Variants in GNAT1 observed in about 807,000 individuals in gnomAD.
The protein encoded by GNAT1 is guanine nucleotide-binding protein G(t) subunit alpha-1.
GNAT1 carries 36 observed loss-of-function variants against 40.0 expected under a neutral mutation model. That is an observed-to-expected ratio of 0.90 (90% CI 0.69 to 1.19). The LOEUF is 1.19. GNAT1 is among the 50% of genes most tolerant of loss of function. The probability of loss-of-function intolerance (pLI) is 0.00; values close to 1 mark genes in which losing one functional copy is unlikely to be tolerated. For missense variants in GNAT1, 413 were observed against 480.6 expected, an observed-to-expected ratio of 0.86 and a Z score of 1.32; for synonymous variants, 195 against 192.9, an observed-to-expected ratio of 1.01 and a Z score of -0.09.
Position 50,193,412 on chromosome 3 carries a change from C to T in GNAT1, c.291+6C>T, listed in dbSNP as rs773731629. 6.2e-7 allele frequency: 1 copy of T among 1,613,878 alleles called. No individual in the cohort carries two copies. Among genetic ancestry groups the T allele is most frequent in the Admixed American group, 1.7e-5 (1 of 60,026 alleles). ...ACGGAGACTCTGCACGCCAGGTGTG[C>T]CAGGAGGCGGGCTGAGCGGGCCTCT... On this transcript the variant is annotated splice_donor_region_variant and intron_variant, in intron 3 of 8. Coordinates refer to ENST00000232461, the MANE Select transcript of GNAT1 (RefSeq NM_144499.3). This position sits in a 1 kb window ranked among gnomAD's most constrained non-coding sequence, Gnocchi z 8.1.
chr3:50,193,629 G>T lies in GNAT1; in HGVS notation c.415G>T (p.Ala139Ser), dbSNP rs758039880. 6.2e-6 allele frequency: 10 copies of T among 1,612,204 alleles called. No individual in the cohort carries two copies. ...DSGIQACFER[A>S]SEYQLNDSAG... is the part of the protein sequence containing the mutation. ...CGGTATCCAGGCCTGTTTTGAGCGC[G>T]CCTCGGAGTACCAGCTCAACGACTC... is the stretch of plus-strand genomic sequence containing the variant. Residue 139 changes from alanine (A) to serine (S), a missense_variant, in exon 4 of 9, where the codon GCC (alanine) becomes TCC (serine). Ala to Ser is a moderately conservative substitution (Grantham distance 99). Coordinates refer to ENST00000232461, the MANE Select transcript of GNAT1 (RefSeq NM_144499.3). The surrounding 1 kb of genome is among the most constrained non-coding windows in gnomAD (Gnocchi z 8.1).
rs759489972 is a variant in GNAT1, at chr3:50,194,779, G to T, written c.877G>T (p.Glu293Ter). Residue 293 changes from glutamate to a stop codon, truncating the protein, a stop_gained, in exon 8 of 9, where the codon GAG (glutamate) becomes TAG (stop). Transcript: ENST00000232461. LOFTEE classifies it high-confidence loss of function. The surrounding 1 kb of genome is among the most constrained non-coding windows in gnomAD (Gnocchi z 6.1). ...CGCCCCCGCAGGACCCAACACCTAC[G>T]AGGACGCCGGCAACTACATCAAGGT... ...FPDYDGPNTYEDAGNYIKVQF... is the reference protein window; with the variant it reads ...FPDYDGPNTY 2 of 1,613,722 alleles carry T rather than the reference G, an allele frequency of 1.2e-6. No individual in the cohort carries two copies. The highest frequency in any genetic ancestry group is 1.7e-6 in the Non-Finnish European group (2 of 1,179,978).
chr3:50,195,789 C>T lies in GNAT1; in HGVS notation c.*523C>T, dbSNP rs2109140788. The T allele has an allele frequency of 6.5e-6, 1 of 153,176 alleles. No individual in the cohort carries two copies. The highest frequency in any genetic ancestry group is 1.9e-4 in the East Asian group (1 of 5,194). 9.5% of individuals were successfully genotyped at this position (153,176 alleles called of 1,614,324 possible). A position where few individuals can be genotyped will look rare whatever the true frequency, so the allele number is the denominator to read the frequency against. On this transcript the variant is annotated 3_prime_UTR_variant, in exon 9 of 9. Transcript: ENST00000232461. ...CTACCCAGAGCCAGTGACTGTCCCT[C>T]CCAGCAGCCTCCAAAGGGTCCAAAG...
Position 50,191,630 on chromosome 3 carries a change from G to T in GNAT1, c.-96G>T. The T allele has an allele frequency of 2.3e-6, 2 of 881,906 alleles. No homozygotes were observed. Among genetic ancestry groups the T allele is most frequent in the South Asian group, 2.7e-5 (2 of 74,408 alleles). The allele number at this position is 881,906 out of a possible 1,614,324, so 54.6% of individuals were successfully genotyped here. On this transcript the variant is annotated 5_prime_UTR_variant, in exon 1 of 9. Transcript: ENST00000232461. ...GAGCCAGTTGATTGCAGGTCCTCCTGGGGCCAGAAGGGTGCCTGGGAGGCC... is the reference window on the plus strand; with the variant it reads ...GAGCCAGTTGATTGCAGGTCCTCCTTGGGCCAGAAGGGTGCCTGGGAGGCC...
Position 50,194,898 on chromosome 3 carries a change from C to T in GNAT1, c.996C>T (p.Phe332=). 1 of 1,613,890 alleles carries T rather than the reference C, an allele frequency of 6.2e-7. No individual in the cohort carries two copies. The highest frequency in any genetic ancestry group is 8.5e-7 in the Non-Finnish European group (1 of 1,179,926). The part of the protein sequence containing the change: ...ATDTQNVKFV[F]DAVTDIIIKE... ...ACACGCAGAACGTCAAATTTGTCTT[C>T]GACGCTGTCACCGACATCATCATCA... Residue 332 remains phenylalanine (F), a synonymous_variant, in exon 8 of 9, where the codon TTC becomes TTT. Coordinates refer to ENST00000232461, the MANE Select transcript of GNAT1 (RefSeq NM_144499.3). This position sits in a 1 kb window ranked among gnomAD's most constrained non-coding sequence, Gnocchi z 6.1.
At position 50,193,512 on chromosome 3, in the gene GNAT1, G is replaced by T; in HGVS notation, c.298G>T (p.Ala100Ser). 3.1e-6 allele frequency: 5 copies of T among 1,613,302 alleles called. No homozygotes were observed. Among genetic ancestry groups the T allele is most frequent in the East Asian group, 2.2e-5 (1 of 44,858 alleles). Residue 100 changes from alanine (A) to serine (S), a missense_variant, in exon 4 of 9, where the codon GCC (alanine) becomes TCC (serine). Coordinates refer to ENST00000232461, the MANE Select transcript of GNAT1 (RefSeq NM_144499.3). The surrounding 1 kb of genome is among the most constrained non-coding windows in gnomAD (Gnocchi z 8.1). ...ACTCTCACCCTGCCCCCAGGACGAC[G>T]CCCGGAAGCTGATGCACATGGCAGA... is the stretch of plus-strand genomic sequence containing the variant. ...QYGDSARQDDARKLMHMADTI... is the reference protein window; with the variant it reads ...QYGDSARQDDSRKLMHMADTI...
Position 50,191,654 on chromosome 3 carries a change from C to T in GNAT1, c.-72C>T, listed in dbSNP as rs765375897. ...TGGGGCCAGAAGGGTGCCTGGGAGG[C>T]CAGGTTCTGGGGATCCCCTCCATCC... On this transcript the variant is annotated 5_prime_UTR_variant, in exon 1 of 9. Coordinates refer to ENST00000232461, the MANE Select transcript of GNAT1 (RefSeq NM_144499.3). 1.3e-5 allele frequency: 15 copies of T among 1,152,012 alleles called. No homozygotes were observed. In the Middle Eastern group the frequency reaches 1.4e-3, roughly 104 times the overall value. The allele number at this position is 1,152,012 out of a possible 1,614,324, so 71.4% of individuals were successfully genotyped here. A position where few individuals can be genotyped will look rare whatever the true frequency, so the allele number is the denominator to read the frequency against.
chr3:50,193,026 TCGC>T lies in GNAT1; in HGVS notation c.107-106_107-104del. ...GGTCGGGGCTGGCGCTCAGGCCTCT[TCGC>T]TGCGGGTCCACCCTGCCAACTCGGG... On this transcript the variant is annotated intron_variant, in intron 1 of 8. Transcript: ENST00000232461. The surrounding 1 kb of genome is among the most constrained non-coding windows in gnomAD (Gnocchi z 8.1). 1 of 1,182,624 alleles carries T rather than the reference TCGC, an allele frequency of 8.5e-7. No homozygotes were observed. The highest frequency in any genetic ancestry group is 1.2e-6 in the Non-Finnish European group (1 of 820,188). 73.3% of individuals were successfully genotyped at this position (1,182,624 alleles called of 1,614,324 possible).
rs1699511052 is a variant in GNAT1 at position 50,196,874 on chromosome 3, CA to C, written c.*1611del. Among the ~76,000 whole-genome samples the C allele has an allele frequency of 6.6e-6, 1 of 152,070 alleles. No homozygotes were observed. Among genetic ancestry groups the C allele is most frequent in the African/African-American group, 2.4e-5 (1 of 41,398 alleles). On this transcript the variant is annotated 3_prime_UTR_variant, in exon 9 of 9. Coordinates refer to ENST00000232461, the MANE Select transcript of GNAT1 (RefSeq NM_144499.3). ...GGGAGGAGAGACGTGGACAGGTGCC[CA>C]AAGCCAGTCGGAGGGCCTGGGCTTT...
rs1409857836 is a variant in GNAT1, at chr3:50,193,955, T to G, written c.578+74T>G. On this transcript the variant is annotated intron_variant, in intron 5 of 8. Transcript: ENST00000232461. The surrounding 1 kb of genome is among the most constrained non-coding windows in gnomAD (Gnocchi z 8.1). The stretch of plus-strand genomic sequence containing the variant: ...TGCCCCGGGGACCCCATCCCTGCGA[T>G]AGACCCTGCCCCTTCCCTGATACCC... 6 of 1,602,946 alleles carry G rather than the reference T, an allele frequency of 3.7e-6. No homozygotes were observed. Among genetic ancestry groups the G allele is most frequent in the Non-Finnish European group, 5.1e-6 (6 of 1,170,618 alleles).
chr3:50,191,837 G>A lies in GNAT1; in HGVS notation c.106+6G>A, dbSNP rs767008686. 12 of 1,595,748 alleles carry A rather than the reference G, an allele frequency of 7.5e-6. No homozygotes were observed. The highest frequency in any genetic ancestry group is 1.7e-5 in the Admixed American group (1 of 59,926). On this transcript the variant is annotated splice_donor_region_variant and intron_variant, in intron 1 of 8. Coordinates refer to ENST00000232461, the MANE Select transcript of GNAT1 (RefSeq NM_144499.3). Reference sequence around the variant, plus strand: ...CGTGAAGCTGCTGCTTCTGGGTAGGGGTGTGGGCCCAGGTGGGGCCACTGC... The same window carrying A: ...CGTGAAGCTGCTGCTTCTGGGTAGGAGTGTGGGCCCAGGTGGGGCCACTGC...
chr3:50,193,733 T>G lies in GNAT1; in HGVS notation c.450-20T>G. The G allele has an allele frequency of 6.2e-7, 1 of 1,602,592 alleles. No individual in the cohort carries two copies. The highest frequency in any genetic ancestry group is 8.5e-7 in the Non-Finnish European group (1 of 1,175,368). On this transcript the variant is annotated intron_variant, in intron 4 of 8. Transcript: ENST00000232461. This position sits in a 1 kb window ranked among gnomAD's most constrained non-coding sequence, Gnocchi z 8.1. ...GGCCCTCCACGCCTCCCCACCCACC[T>G]ACGGCCGGGTCTCGCGCAGCTACCT...
At position 50,194,761 on chromosome 3, in the gene GNAT1, G is replaced by T; in HGVS notation, c.863-4G>T. On this transcript the variant is annotated splice_polypyrimidine_tract_variant and splice_region_variant and intron_variant, in intron 7 of 8. Coordinates refer to ENST00000232461, the MANE Select transcript of GNAT1 (RefSeq NM_144499.3). The surrounding 1 kb of genome is among the most constrained non-coding windows in gnomAD (Gnocchi z 6.1). ...GAGCAGAGTGAGAGCTCCCGCCCCC[G>T]CAGGACCCAACACCTACGAGGACGC... 4 of 1,613,324 alleles carry T rather than the reference G, an allele frequency of 2.5e-6. No homozygotes were observed. Among genetic ancestry groups the T allele is most frequent in the Non-Finnish European group, 2.5e-6 (3 of 1,179,886 alleles).
chr3:50,193,593 T>C lies in GNAT1; in HGVS notation c.379T>C (p.Trp127Arg), dbSNP rs373544213. Residue 127 changes from tryptophan to arginine, a missense_variant, in exon 4 of 9, where the codon TGG becomes CGG. Trp to Arg is a moderately radical substitution (Grantham distance 101). Transcript: ENST00000232461. This position sits in a 1 kb window ranked among gnomAD's most constrained non-coding sequence, Gnocchi z 8.1. ...GATGTCGGACATCATCCAGCGGCTGTGGAAGGACTCCGGTATCCAGGCCTG... is the reference window on the plus strand; with the variant it reads ...GATGTCGGACATCATCCAGCGGCTGCGGAAGGACTCCGGTATCCAGGCCTG... ...KEMSDIIQRL[W>R]KDSGIQACFE... The C allele has an allele frequency of 1.7e-5, 28 of 1,612,684 alleles. No homozygotes were observed. Among genetic ancestry groups the C allele is most frequent in the Non-Finnish European group, 2.1e-5 (25 of 1,179,874 alleles).
At position 50,193,238 on chromosome 3, in the gene GNAT1, C is replaced by A. The variant is rs376261970; in HGVS notation, c.150-27C>A. On this transcript the variant is annotated intron_variant, in intron 2 of 8. Transcript: ENST00000232461. The surrounding 1 kb of genome is among the most constrained non-coding windows in gnomAD (Gnocchi z 8.1). ...GGTCCTTCCCCACTTCCCCACGAGGCGCTGATTCTGCTCTCCTCGGCCTCA... is the reference window on the plus strand; with the variant it reads ...GGTCCTTCCCCACTTCCCCACGAGGAGCTGATTCTGCTCTCCTCGGCCTCA... The A allele has an allele frequency of 1.2e-6, 2 of 1,614,110 alleles. No homozygotes were observed. The highest frequency in any genetic ancestry group is 1.1e-5 in the South Asian group (1 of 91,080).
In GNAT1 at chr3:50,193,143, G is replaced by T. The variant is rs34797487; in HGVS notation, c.117G>T (p.Glu39Asp). 1 of 1,613,976 alleles carries T rather than the reference G, an allele frequency of 6.2e-7. No individual in the cohort carries two copies. Among genetic ancestry groups the T allele is most frequent in the Non-Finnish European group, 8.5e-7 (1 of 1,180,002 alleles). Reference sequence around the variant, plus strand: ...CCGCGTCTCTTTCAGGTGCCGGTGAGTCCGGGAAGAGCACCATCGTCAAGC... The same window carrying T: ...CCGCGTCTCTTTCAGGTGCCGGTGATTCCGGGAAGAGCACCATCGTCAAGC... The part of the protein sequence containing the change: ...TVKLLLLGAG[E>D]SGKSTIVKQM... Residue 39 changes from glutamate to aspartate, a missense_variant, in exon 2 of 9, where the codon GAG becomes GAT. Glu to Asp is a conservative substitution (Grantham distance 45, BLOSUM62 2). Coordinates refer to ENST00000232461, the MANE Select transcript of GNAT1 (RefSeq NM_144499.3). The surrounding 1 kb of genome is among the most constrained non-coding windows in gnomAD (Gnocchi z 8.1).
Position 50,193,704 on chromosome 3 carries a change from AG to A in GNAT1, c.450-44del. 2 of 1,600,752 alleles carry A rather than the reference AG, an allele frequency of 1.2e-6. No homozygotes were observed. The highest frequency in any genetic ancestry group is 2.2e-5 in the South Asian group (2 of 90,352). ...GCGCGGGGCGCGGGGCGCGGGGCGC[AG>A]GGGGCCCTCCACGCCTCCCCACCCA... On this transcript the variant is annotated intron_variant, in intron 4 of 8. Coordinates refer to ENST00000232461, the MANE Select transcript of GNAT1 (RefSeq NM_144499.3). This position sits in a 1 kb window ranked among gnomAD's most constrained non-coding sequence, Gnocchi z 8.1.
intron 8 of GNAT1, 49 bp from the exon 9 acceptor site, chr3:50,195,219 C>T (rs1286129825): frequency 1.8e-6 from 1 of 550,340 alleles, no homozygotes; most frequent in Non-Finnish European, 3.3e-6. Context: ...AATGCCTAAA[C>T]CCATTTATTT....
In GNAT1 at chr3:50,195,266, A is replaced by G. The variant is rs1376829787; in HGVS notation, c.*2-2A>G. Reference sequence around the variant, plus strand: ...GATGCTGACTGGGTTTCCTTTTCACAGGTGCCTGAATTCATGCGTGTCAGT... The same window carrying G: ...GATGCTGACTGGGTTTCCTTTTCACGGGTGCCTGAATTCATGCGTGTCAGT... On this transcript the variant is annotated splice_acceptor_variant, in intron 8 of 8. Coordinates refer to ENST00000232461, the MANE Select transcript of GNAT1 (RefSeq NM_144499.3). LOFTEE classifies it low-confidence loss of function (3UTR_SPLICE). The G allele has an allele frequency of 3.1e-5, 14 of 446,712 alleles. No homozygotes were observed. Among genetic ancestry groups the G allele is most frequent in the South Asian group, 1.5e-4 (7 of 46,212 alleles). The allele number at this position is 446,712 out of a possible 1,614,324, so 27.7% of individuals were successfully genotyped here.
Sources: gnomAD v4.1 joint callset for allele counts (sites outside exome capture counted in the v4.1 genomes callset) on GRCh38, gnomAD v4.1.1 for gene constraint, Gnocchi (gnomAD v3.1) non-coding constraint, MANE v1.5 for transcripts, NCBI Gene and HGNC (gene_info 2026-07-23, HGNC 2026-07-21) for gene names.